CDH18: variants seen among roughly 807,000 people sequenced by gnomAD.
CDH18 encodes cadherin 18.
CDH18 carries 31 observed loss-of-function variants against 67.9 expected under a neutral mutation model. That is an observed-to-expected ratio of 0.46 (90% CI 0.34 to 0.62). CDH18 has a LOEUF of 0.62. CDH18 is among the 20% of genes least tolerant of loss of function. CDH18 has a pLI of 0.01. For missense variants in CDH18, 890 were observed against 975.5 expected (o/e 0.91, Z 1.17); for synonymous variants, 362 against 347.2 (o/e 1.04, Z -0.48).
intron 5 of CDH18, among the ~76,000 whole-genome samples, chr5:19,638,578 A>G (rs912485079): frequency 6.6e-6 from 1 of 150,992 alleles, no homozygotes; most frequent in African/African-American, 2.4e-5. Flanking sequence ...AATGAGCTGC[A>G]TAAGTTAAAA....
intron 2 of CDH18, among the ~76,000 whole-genome samples, chr5:20,138,354 T>C (rs539312742): frequency 4.0e-4 from 61 of 152,202 alleles, no homozygotes; most frequent in African/African-American, 1.3e-3. Flanking sequence ...CCACAGCCAA[T>C]ATCATACTGA....
intron 1 of CDH18, among the ~76,000 whole-genome samples, chr5:20,517,304 A>T (rs7447618): frequency 0.49 from 73,916 of 151,200 alleles, 18,210 homozygotes; most frequent in East Asian, 0.58. Flanking sequence ...AAGACAGGAC[A>T]TAATGAGATA....
At chr5:20,446,035 C>T (rs1561009806) in intron 1 of CDH18, among the ~76,000 whole-genome samples, 1 of 151,976 alleles carries the variant, frequency 6.6e-6, no homozygotes, top group Non-Finnish European at 1.5e-5. Flanking sequence ...GGTTACAGAG[C>T]TAGAATTAAA....
intron 5 of CDH18, among the ~76,000 whole-genome samples, chr5:19,624,747 C>T (rs1454720985): frequency 2.0e-5 from 3 of 152,156 alleles, no homozygotes; most frequent in Non-Finnish European, 4.4e-5. Context: ...AGCTCAGGAC[C>T]ACACGTCTCT....
At chr5:20,488,131 T>C (rs1753323900) in intron 1 of CDH18, among the ~76,000 whole-genome samples, 1 of 152,154 alleles carries the variant, frequency 6.6e-6, no homozygotes, top group Non-Finnish European at 1.5e-5. Context: ...TTCAACAATT[T>C]AGTGCAATTT....
chr5:20,145,885 ACT>A (rs1447647774), intron 2 of CDH18, among the ~76,000 whole-genome samples: 1 of 151,976 alleles, frequency 6.6e-6, no homozygotes, highest in African/African-American at 2.4e-5. Flanking sequence ...CACATTTAAA[ACT>A]CTGGCTTCCC....
chr5:19,882,551 T>C (rs1195745789), intron 2 of CDH18, among the ~76,000 whole-genome samples: 2 of 152,160 alleles, frequency 1.3e-5, no homozygotes, highest in African/African-American at 2.4e-5. Flanking sequence ...GTTTGGACTA[T>C]TATATATTAA....
chr5:19,724,956 T>G (rs1766619255), intron 4 of CDH18, among the ~76,000 whole-genome samples: 1 of 147,680 alleles, frequency 6.8e-6, no homozygotes, highest in Non-Finnish European at 1.5e-5. Flanking sequence ...AGACGGAGTC[T>G]CCTTCTGTCA....
At chr5:20,180,707 A>G (rs1376249445) in intron 2 of CDH18, among the ~76,000 whole-genome samples, 1 of 152,088 alleles carries the variant, frequency 6.6e-6, no homozygotes, top group Non-Finnish European at 1.5e-5. Context: ...TATCCAGTGC[A>G]TTGTTGGCAC....
Position 19,893,901 on chromosome 5 carries a change from A to T in CDH18, c.-256-54659T>A, listed in dbSNP as rs377534375. ...ATATTGAAAAACTCCTATATTAAAG[A>T]TCAGAGGTGGGAAAGTAAACAAGCA... On this transcript the variant is annotated intron_variant, in intron 2 of 12. Coordinates refer to ENST00000382275, the MANE Select transcript of CDH18 (RefSeq NM_004934.5). Among the ~76,000 whole-genome samples the T allele has an allele frequency of 7.9e-5, 12 of 152,222 alleles. No individual in the cohort carries two copies. The South Asian group carries it at 2.5e-3, about 32-fold the overall frequency.
At chr5:20,475,953 T>G (rs1752410725) in intron 1 of CDH18, among the ~76,000 whole-genome samples, 1 of 152,200 alleles carries the variant, frequency 6.6e-6, no homozygotes, top group African/African-American at 2.4e-5. Context: ...GTTGTCACAA[T>G]AGTTTCAGGA....
intron 2 of CDH18, among the ~76,000 whole-genome samples, chr5:19,891,976 T>C (rs1911849): frequency 0.49 from 74,795 of 151,998 alleles, 18,634 homozygotes; most frequent in Middle Eastern, 0.65. Flanking sequence ...GACTTTTTAT[T>C]TGGCTGTGTT....
chr5:19,778,434 A>G (rs1279584147), intron 3 of CDH18, among the ~76,000 whole-genome samples: 1 of 152,204 alleles, frequency 6.6e-6, no homozygotes, highest in Non-Finnish European at 1.5e-5. Flanking sequence ...ACTACTGCCT[A>G]TGTAAAAATT....
In CDH18 at chr5:19,806,608, G is replaced by A. The variant is rs547844265; in HGVS notation, c.228+32151C>T. Among the ~76,000 whole-genome samples, 187 of 152,252 alleles carry A rather than the reference G, an allele frequency of 1.2e-3. 3 individuals are homozygous for A. The highest frequency in any genetic ancestry group is 3.4e-3 in the Middle Eastern group (1 of 294). ...TTCGGTTTCTAGATACTTAATACAT[G>A]TTACAAGTATGTCTCAGGGGAGTTG... On this transcript the variant is annotated intron_variant, in intron 3 of 12. Coordinates refer to ENST00000382275, the MANE Select transcript of CDH18 (RefSeq NM_004934.5).
intron 1 of CDH18, among the ~76,000 whole-genome samples, chr5:20,271,032 G>C (rs1745398853): frequency 6.6e-6 from 1 of 151,892 alleles, no homozygotes; most frequent in Admixed American, 6.6e-5. Context: ...AACTAAATGG[G>C]TACTAGACTT....
chr5:20,242,783 C>T (rs1384166296), intron 2 of CDH18, among the ~76,000 whole-genome samples: 6 of 151,186 alleles, frequency 4.0e-5, no homozygotes, highest in Non-Finnish European at 5.9e-5. Flanking sequence ...GCTGCGTAGA[C>T]AGCAAAACAT....
chr5:20,142,053 T>C (rs1750286812), intron 2 of CDH18, among the ~76,000 whole-genome samples: 1 of 151,950 alleles, frequency 6.6e-6, no homozygotes, highest in African/African-American at 2.4e-5. Context: ...TAGATAAATA[T>C]AAATAAGGAC....
chr5:20,418,242 ATT>A (rs58308147), intron 1 of CDH18, among the ~76,000 whole-genome samples: 3,935 of 56,814 alleles, frequency 0.069, 54 homozygotes, highest in Middle Eastern at 0.083. Context: ...CTGCTGGCTA[ATT>A]TTTTTTTTTT....
intron 2 of CDH18, among the ~76,000 whole-genome samples, chr5:19,978,786 T>C (rs904935052): frequency 2.6e-5 from 4 of 152,090 alleles, no homozygotes; most frequent in Non-Finnish European, 5.9e-5. Context: ...TCTTCCTCCC[T>C]CTTTCACTTT....
Sources: allele counts gnomAD v4.1 joint callset (sites outside exome capture counted in the v4.1 genomes callset), GRCh38; gene constraint gnomAD v4.1.1; transcripts MANE v1.5; gene names NCBI Gene and HGNC (gene_info 2026-07-23, HGNC 2026-07-21).